Variants in NDUFAF2 observed in about 807,000 individuals in gnomAD.
The protein encoded by NDUFAF2 is NADH:ubiquinone oxidoreductase complex assembly factor 2.
Under a neutral mutation model 22.8 loss-of-function variants are expected in NDUFAF2, and 13 were observed. That is an observed-to-expected ratio of 0.57 (90% confidence interval 0.37 to 0.91). The LOEUF (loss-of-function observed/expected upper bound fraction) is 0.91, where lower values mean the gene tolerates loss of function less well. Ranked by LOEUF, NDUFAF2 falls within the 40% of genes least tolerant of loss-of-function variation. The pLI is 0.01. For missense variants in NDUFAF2, 162 were observed against 195.2 expected, an observed-to-expected ratio of 0.83 and a Z score of 1.01; for synonymous variants, 53 against 64.2, an observed-to-expected ratio of 0.83 and a Z score of 0.84.
chr5:61,117,537 G>T (rs1752925806), intron 3 of NDUFAF2, among the ~76,000 whole-genome samples: 1 of 151,968 alleles, frequency 6.6e-6, no homozygotes, highest in African/African-American at 2.4e-5. Flanking sequence ...TTTTGATTTT[G>T]TAGAGATGGG....
At chr5:61,009,998 AC>A (rs1195998761) in intron 1 of NDUFAF2, among the ~76,000 whole-genome samples, 2 of 152,030 alleles carry the variant, frequency 1.3e-5, no homozygotes, top group African/African-American at 4.8e-5. Flanking sequence ...ACTCTTTCTG[AC>A]TTACTCCCAA....
chr5:61,086,713 A>C (rs186548776), intron 2 of NDUFAF2, among the ~76,000 whole-genome samples: 1 of 152,298 alleles, frequency 6.6e-6, no homozygotes, highest in Admixed American at 6.5e-5. Flanking sequence ...TTCAATTATG[A>C]GTAGTCAAAA....
chr5:61,129,173 G>A (rs963621373), intron 3 of NDUFAF2, among the ~76,000 whole-genome samples: 1 of 152,044 alleles, frequency 6.6e-6, no homozygotes, highest in Non-Finnish European at 1.5e-5. Context: ...TGGAGAAATA[G>A]AACAGTTTTA....
chr5:61,000,679 C>T (rs1376666834), intron 1 of NDUFAF2, among the ~76,000 whole-genome samples: 1 of 152,006 alleles, frequency 6.6e-6, no homozygotes, highest in Non-Finnish European at 1.5e-5. Flanking sequence ...TCCTACCTGC[C>T]TTTTGCCCTG....
intron 2 of NDUFAF2, 26 bp from the exon 3 acceptor site, chr5:61,098,966 C>T: frequency 6.3e-7 from 1 of 1,580,894 alleles, no homozygotes; most frequent in Non-Finnish European, 8.7e-7. Flanking sequence ...GGGAAACTGA[C>T]ATTTAAATAT....
At chr5:60,949,365 A>G (rs1214337432) in intron 1 of NDUFAF2, among the ~76,000 whole-genome samples, 2 of 152,178 alleles carry the variant, frequency 1.3e-5, no homozygotes, top group African/African-American at 2.4e-5. Context: ...TTCATTACGT[A>G]TATCAGTAGT....
At chr5:61,148,035 A>G (rs1561140008) in intron 3 of NDUFAF2, among the ~76,000 whole-genome samples, 1 of 152,238 alleles carries the variant, frequency 6.6e-6, no homozygotes, top group Admixed American at 6.5e-5. Context: ...ACAGCTTAAT[A>G]TTCAGCTGAA....
intron 1 of NDUFAF2, among the ~76,000 whole-genome samples, chr5:61,015,902 T>A (rs943391746): frequency 1.3e-5 from 2 of 152,124 alleles, no homozygotes; most frequent in Non-Finnish European, 2.9e-5. Flanking sequence ...TAAAAAAGAC[T>A]TATGGCTGGG....
At chr5:60,969,819 T>C (rs568704818) in intron 1 of NDUFAF2, among the ~76,000 whole-genome samples, 1 of 152,336 alleles carries the variant, frequency 6.6e-6, no homozygotes, top group East Asian at 1.9e-4. Context: ...CCTGGAAAGT[T>C]TCCCTACTGT....
At chr5:61,073,834 G>C (rs552965827) in intron 2 of NDUFAF2, among the ~76,000 whole-genome samples, 3 of 152,226 alleles carry the variant, frequency 2.0e-5, no homozygotes, top group African/African-American at 7.2e-5. Context: ...GCTTGTAAGT[G>C]GTCACCTTCA....
rs576310799 is a variant in NDUFAF2 at position 61,025,837 on chromosome 5, A to G, written c.128-47288A>G. On this transcript the variant is annotated intron_variant, in intron 1 of 3. Transcript: ENST00000296597. ...AAATAAAGATCACATAGAAAAAATAAGTCTCTTGGGGTGAAAATTTATTTG... is the reference window on the plus strand; with the variant it reads ...AAATAAAGATCACATAGAAAAAATAGGTCTCTTGGGGTGAAAATTTATTTG... 2.6e-5 allele frequency among the ~76,000 whole-genome samples: 4 copies of G among 152,202 alleles called. No homozygotes were observed. The East Asian group carries it at 7.7e-4, about 29-fold the overall frequency.
chr5:60,947,904 A>G (rs1303772376), intron 1 of NDUFAF2, among the ~76,000 whole-genome samples: 1 of 152,204 alleles, frequency 6.6e-6, no homozygotes, highest in East Asian at 1.9e-4. Flanking sequence ...AATAACATGA[A>G]TATTTTATTT....
chr5:60,951,285 C>T (rs1017932626), intron 1 of NDUFAF2, among the ~76,000 whole-genome samples: 8 of 152,214 alleles, frequency 5.3e-5, no homozygotes, highest in African/African-American at 1.2e-4. Flanking sequence ...CCTGCCTCAG[C>T]GTCCCAAAGT....
intron 3 of NDUFAF2, among the ~76,000 whole-genome samples, chr5:61,133,074 GAAAC>G (rs1753132825): frequency 6.6e-6 from 1 of 152,108 alleles, no homozygotes; most frequent in African/African-American, 2.4e-5. Context: ...CCTCTTTTGA[GAAAC>G]AACACCAGTA....
chr5:61,083,203 C>T (rs1400637486), intron 2 of NDUFAF2: 1 of 136,692 alleles, frequency 7.3e-6, no homozygotes, highest in African/African-American at 2.6e-5. Context: ...CCTTTCCCCA[C>T]TTTTAATGTT....
At chr5:61,003,997 G>A (rs141345993) in intron 1 of NDUFAF2, among the ~76,000 whole-genome samples, 34 of 142,152 alleles carry the variant, frequency 2.4e-4, no homozygotes, top group Middle Eastern at 3.6e-3. Flanking sequence ...AAACATCTCC[G>A]ATGCCTGTAT....
chr5:60,947,244 C>G (rs1355121971), intron 1 of NDUFAF2, among the ~76,000 whole-genome samples: 2 of 152,172 alleles, frequency 1.3e-5, no homozygotes, highest in African/African-American at 4.8e-5. Context: ...GCCAGCAATG[C>G]ATTAAAATTC....
Position 61,138,752 on chromosome 5 carries a change from A to T in NDUFAF2, c.259-13952A>T, listed in dbSNP as rs144869791. 1.9e-3 allele frequency among the ~76,000 whole-genome samples: 283 copies of T among 152,318 alleles called. 3 individuals are homozygous for T. Among genetic ancestry groups the T allele is most frequent in the African/African-American group, 6.6e-3 (275 of 41,562 alleles). On this transcript the variant is annotated intron_variant, in intron 3 of 3. Coordinates refer to ENST00000296597, the MANE Select transcript of NDUFAF2 (RefSeq NM_174889.5). ...CAGCAGGATACCTGTATGCAAAGCC[A>T]TGTGTGTGGCTTGCTGAGAACTGTG...
At chr5:61,141,667 TG>T in intron 3 of NDUFAF2, among the ~76,000 whole-genome samples, 1 of 55,078 alleles carries the variant, frequency 1.8e-5, no homozygotes, top group Admixed American at 2.7e-4. Flanking sequence ...ATATATTAAA[TG>T]AATGAATGAA....
Sources: gnomAD v4.1 joint callset for allele counts (sites outside exome capture counted in the v4.1 genomes callset) on GRCh38, gnomAD v4.1.1 for gene constraint, MANE v1.5 for transcripts, NCBI Gene and HGNC (gene_info 2026-07-23, HGNC 2026-07-21) for gene names.